TBC1D5: variants seen among roughly 807,000 people sequenced by gnomAD.
TBC1D5 encodes the protein TBC1 domain family, member 5.
A neutral mutation model predicts 100.3 loss-of-function variants in TBC1D5; 75 were observed. The observed-to-expected ratio is 0.75, with a 90% CI of 0.62 to 0.91. The LOEUF is 0.91. Among genes scored for constraint, TBC1D5 ranks in the 40% least tolerant of loss-of-function variants. The pLI is 0.00. For missense variants in TBC1D5, 910 were observed against 942.4 expected (o/e 0.97, Z 0.45); for synonymous variants, 323 against 325.6 (o/e 0.99, Z 0.09).
chr3:17,285,863 TC>T (rs2081136343), intron 15 of TBC1D5, among the ~76,000 whole-genome samples: 4 of 152,184 alleles, frequency 2.6e-5, no homozygotes, highest in Admixed American at 2.6e-4. Flanking sequence ...AAGAACCAAA[TC>T]AGAACTGGCC....
intron 1 of TBC1D5, among the ~76,000 whole-genome samples, chr3:17,739,165 T>A (rs2077195256): frequency 6.6e-6 from 1 of 152,132 alleles, no homozygotes; most frequent in South Asian, 2.1e-4. Context: ...CTGTACACAC[T>A]GCCATTCCAA....
intron 1 of TBC1D5, among the ~76,000 whole-genome samples, chr3:17,629,644 G>A (rs1024915691): frequency 2.6e-5 from 4 of 152,176 alleles, no homozygotes; most frequent in African/African-American, 9.6e-5. Flanking sequence ...TGAGAAAGAA[G>A]TAAAACAGTG....
intron 17 of TBC1D5, among the ~76,000 whole-genome samples, chr3:17,224,267 A>C (rs2074604552): frequency 6.6e-6 from 1 of 152,244 alleles, no homozygotes; most frequent in African/African-American, 2.4e-5. Flanking sequence ...AGCTACCATA[A>C]ATGTTTGCTG....
chr3:17,449,031 G>A (rs909084661), intron 3 of TBC1D5, among the ~76,000 whole-genome samples: 3 of 152,140 alleles, frequency 2.0e-5, no homozygotes, highest in Admixed American at 6.5e-5. Flanking sequence ...TTTCAACTGC[G>A]GTACCCTTCT....
intron 1 of TBC1D5, among the ~76,000 whole-genome samples, chr3:17,629,863 C>G (rs1384694324): frequency 1.3e-5 from 2 of 152,174 alleles, no homozygotes; most frequent in Non-Finnish European, 2.9e-5. Flanking sequence ...ACATCTCATA[C>G]TGGACTTCTG....
intron 15 of TBC1D5, among the ~76,000 whole-genome samples, chr3:17,266,561 A>G (rs920485603): frequency 5.9e-5 from 9 of 152,150 alleles, no homozygotes; most frequent in Admixed American, 4.6e-4. Context: ...AATTTCATAT[A>G]CTTAGTATAA....
intron 1 of TBC1D5, among the ~76,000 whole-genome samples, chr3:17,719,656 T>C (rs187463328): frequency 7.9e-5 from 12 of 152,226 alleles, no homozygotes; most frequent in African/African-American, 2.4e-4. Context: ...AAGTTTAAGT[T>C]TGACATAATA....
At chr3:17,703,580 T>G (rs770498139) in intron 1 of TBC1D5, among the ~76,000 whole-genome samples, 7 of 152,142 alleles carry the variant, frequency 4.6e-5, no homozygotes, top group Non-Finnish European at 7.4e-5. Context: ...GAAAGACTAG[T>G]AGTTGAACTC....
In TBC1D5 at chr3:17,602,658, C is replaced by T. The variant is rs564024956; in HGVS notation, c.-36+21191G>A. Among the ~76,000 whole-genome samples, 454 of 147,758 alleles carry T rather than the reference C, an allele frequency of 3.1e-3. 4 individuals are homozygous for T. Among genetic ancestry groups the T allele is most frequent in the African/African-American group, 0.011 (430 of 39,838 alleles). ...CGCAATCTCGGCTCACTGCAAGCTC[C>T]ACCTCCTGGGTTCGTGCCATTCTCC... On this transcript the variant is annotated intron_variant, in intron 2 of 21. Transcript: ENST00000253692.
intron 3 of TBC1D5, among the ~76,000 whole-genome samples, chr3:17,494,140 T>A (rs998589333): frequency 6.6e-6 from 1 of 152,198 alleles, no homozygotes; most frequent in Non-Finnish European, 1.5e-5. Flanking sequence ...GTTTTTCTTT[T>A]AACAGTCAGG....
intron 4 of TBC1D5, among the ~76,000 whole-genome samples, chr3:17,422,964 C>G (rs1170173894): frequency 6.6e-6 from 1 of 152,104 alleles, no homozygotes; most frequent in Non-Finnish European, 1.5e-5. Flanking sequence ...AATTAATGTA[C>G]TTTTTCTTAG....
At chr3:17,495,769 A>G (rs1233071596) in intron 3 of TBC1D5, among the ~76,000 whole-genome samples, 3 of 152,222 alleles carry the variant, frequency 2.0e-5, no homozygotes, top group Non-Finnish European at 4.4e-5. Context: ...TTTGAGAATT[A>G]TAACTTTTTG....
chr3:17,195,712 G>C (rs1420851634), intron 18 of TBC1D5, among the ~76,000 whole-genome samples: 1 of 150,594 alleles, frequency 6.6e-6, no homozygotes, highest in Non-Finnish European at 1.5e-5. Flanking sequence ...AGTAACAACT[G>C]GTAAAAGCAA....
chr3:17,704,283 T>C (rs1195593047), intron 1 of TBC1D5, among the ~76,000 whole-genome samples: 1 of 147,822 alleles, frequency 6.8e-6, no homozygotes, highest in Non-Finnish European at 1.5e-5. Context: ...GAATTTTTCT[T>C]AGTGCAGAAC....
chr3:17,570,427 C>A (rs889286960), intron 2 of TBC1D5, among the ~76,000 whole-genome samples: 1 of 151,894 alleles, frequency 6.6e-6, no homozygotes, highest in African/African-American at 2.4e-5. Context: ...ACAACTATAA[C>A]TCAGATCTCT....
chr3:17,200,648 G>A (rs2071354274), intron 18 of TBC1D5, among the ~76,000 whole-genome samples: 1 of 152,214 alleles, frequency 6.6e-6, no homozygotes. Context: ...ACAATTCTAA[G>A]GGAAATTGTC....
At chr3:17,435,005 A>AC (rs1300995710) in intron 3 of TBC1D5, among the ~76,000 whole-genome samples, 1 of 152,182 alleles carries the variant, frequency 6.6e-6, no homozygotes, top group African/African-American at 2.4e-5. Context: ...GCAAGAGTTA[A>AC]CTTTATTCCA....
At chr3:17,678,390 C>A (rs1201714253) in intron 1 of TBC1D5, among the ~76,000 whole-genome samples, 1 of 152,054 alleles carries the variant, frequency 6.6e-6, no homozygotes, top group African/African-American at 2.4e-5. Flanking sequence ...CTTCTCCCTC[C>A]CAAAACCCTA....
chr3:17,242,828 T>C (rs1020287839), intron 16 of TBC1D5, among the ~76,000 whole-genome samples: 3 of 152,124 alleles, frequency 2.0e-5, no homozygotes, highest in African/African-American at 7.2e-5. Context: ...TAAACCGATA[T>C]ATATATATAA....
Sources: gnomAD v4.1 joint callset for allele counts (sites outside exome capture counted in the v4.1 genomes callset) on GRCh38, gnomAD v4.1.1 for gene constraint, MANE v1.5 for transcripts, NCBI Gene and HGNC (gene_info 2026-07-23, HGNC 2026-07-21) for gene names.